Variants in STXBP5L observed in about 807,000 individuals in gnomAD.
STXBP5L encodes the protein syntaxin-binding protein 5-like.
Under a neutral mutation model 144.5 loss-of-function variants are expected in STXBP5L, and 65 were observed. The observed-to-expected ratio is 0.45, with a 90% CI of 0.37 to 0.55. The LOEUF (loss-of-function observed/expected upper bound fraction) is 0.55. Ranked by LOEUF, STXBP5L falls within the 20% of genes least tolerant of loss-of-function variation. The pLI is 0.00. For synonymous variants in STXBP5L, 505 were observed against 469.6 expected (o/e 1.08, Z -0.97); for missense variants, 1,298 against 1,405.5 (o/e 0.92, Z 1.22).
intron 18 of STXBP5L, among the ~76,000 whole-genome samples, chr3:121,269,469 T>C (rs2050673202): frequency 1.3e-5 from 2 of 151,940 alleles, no homozygotes; most frequent in African/African-American, 4.8e-5. Flanking sequence ...AAAATAGTCC[T>C]CTGGGTCAGA....
At chr3:121,016,881 C>T (rs1945184514) in intron 3 of STXBP5L, among the ~76,000 whole-genome samples, 1 of 152,186 alleles carries the variant, frequency 6.6e-6, no homozygotes, top group African/African-American at 2.4e-5. Context: ...TATATCAGTT[C>T]TCTGTAATCT....
chr3:120,980,314 G>T (rs936193314), intron 3 of STXBP5L, among the ~76,000 whole-genome samples: 2 of 151,972 alleles, frequency 1.3e-5, no homozygotes, highest in Non-Finnish European at 2.9e-5. Context: ...GCTGTCAGTG[G>T]GGTGTTGAAA....
intron 3 of STXBP5L, among the ~76,000 whole-genome samples, chr3:121,038,363 T>TATC (rs1369001307): frequency 6.6e-6 from 1 of 152,022 alleles, no homozygotes; most frequent in Non-Finnish European, 1.5e-5. Flanking sequence ...TACTGTTTTT[T>TATC]ATCAATGCTT....
intron 20 of STXBP5L, among the ~76,000 whole-genome samples, chr3:121,333,433 C>A (rs1466746918): frequency 6.6e-6 from 1 of 151,830 alleles, no homozygotes; most frequent in African/African-American, 2.4e-5. Flanking sequence ...GGAAAGATCT[C>A]TAATTAACAA....
intron 5 of STXBP5L, among the ~76,000 whole-genome samples, chr3:121,056,357 C>G (rs1017195669): frequency 1.3e-5 from 2 of 152,052 alleles, no homozygotes; most frequent in African/African-American, 4.8e-5. Context: ...CTACGATATA[C>G]AGACCCTTAA....
chr3:121,367,493 C>G (rs1258382615), intron 20 of STXBP5L, among the ~76,000 whole-genome samples: 2 of 151,174 alleles, frequency 1.3e-5, no homozygotes, highest in African/African-American at 4.9e-5. Flanking sequence ...TTTTCATAAT[C>G]AGCATCAAGG....
At chr3:121,027,292 T>G (rs1946018440) in intron 3 of STXBP5L, among the ~76,000 whole-genome samples, 1 of 152,066 alleles carries the variant, frequency 6.6e-6, no homozygotes, top group Admixed American at 6.6e-5. Flanking sequence ...TAATCATGAT[T>G]TAAGGAAATT....
In STXBP5L at chr3:121,422,477, G is replaced by A. The variant is rs548103119; in HGVS notation, c.*3380G>A. 1 of 152,226 alleles carries A rather than the reference G, an allele frequency of 6.6e-6. No homozygotes were observed. The highest frequency in any genetic ancestry group is 6.5e-5 in the Admixed American group (1 of 15,292). 9.4% of individuals were successfully genotyped at this position (152,226 alleles called of 1,614,324 possible). On this transcript the variant is annotated 3_prime_UTR_variant, in exon 27 of 27. Transcript: ENST00000471454. ...AGAAGCTAGAGGTATTTGTTTCCCT[G>A]ATAATAACGTGAGCAATAGTCCCTA...
At chr3:121,176,112 T>C (rs1231873602) in intron 9 of STXBP5L, among the ~76,000 whole-genome samples, 1 of 152,066 alleles carries the variant, frequency 6.6e-6, no homozygotes, top group African/African-American at 2.4e-5. Context: ...TCCACAGCTA[T>C]ATTTGGAAAC....
intron 3 of STXBP5L, among the ~76,000 whole-genome samples, chr3:121,035,132 T>A (rs1946665361): frequency 6.6e-6 from 1 of 152,040 alleles, no homozygotes; most frequent in South Asian, 2.1e-4. Flanking sequence ...CCCAGAATAG[T>A]TTGCACGTAT....
At chr3:121,189,446 C>G (rs978975008) in intron 9 of STXBP5L, among the ~76,000 whole-genome samples, 1 of 152,198 alleles carries the variant, frequency 6.6e-6, no homozygotes, top group Non-Finnish European at 1.5e-5. Context: ...AGATGGCTAG[C>G]CAGATTCCCC....
At chr3:120,949,736 C>A (rs184577821) in intron 2 of STXBP5L, among the ~76,000 whole-genome samples, 5 of 151,946 alleles carry the variant, frequency 3.3e-5, no homozygotes, top group Admixed American at 3.3e-4. Context: ...TCAAAATATT[C>A]AGCTGTATTT....
At position 121,393,343 on chromosome 3, in the gene STXBP5L, T is replaced by A. The variant is rs556470657; in HGVS notation, c.2587+11811T>A. Among the ~76,000 whole-genome samples, 97 of 152,320 alleles carry A rather than the reference T, an allele frequency of 6.4e-4. 1 individual carries two copies. In the South Asian group the frequency reaches 0.02, roughly 31 times the overall value. On this transcript the variant is annotated intron_variant, in intron 22 of 26. Coordinates refer to ENST00000471454, the MANE Select transcript of STXBP5L (RefSeq NM_001308330.2). Reference sequence around the variant, plus strand: ...TTCTGGGTATTAGCCCTTTGTCAGATGCATTGTTGGCAAATATTTTTCCCA... The same window carrying A: ...TTCTGGGTATTAGCCCTTTGTCAGAAGCATTGTTGGCAAATATTTTTCCCA...
chr3:121,067,212 G>A (rs78808712), intron 5 of STXBP5L, among the ~76,000 whole-genome samples: 2 of 151,586 alleles, frequency 1.3e-5, no homozygotes, highest in Non-Finnish European at 2.9e-5. Flanking sequence ...CTTTTAACTA[G>A]ATTAATGAGA....
chr3:121,397,197 G>T (rs942384009), intron 22 of STXBP5L, among the ~76,000 whole-genome samples: 1 of 152,214 alleles, frequency 6.6e-6, no homozygotes, highest in South Asian at 2.1e-4. Context: ...GCTCAGCTAA[G>T]GGGATAGTAA....
chr3:121,008,354 T>C (rs1410024062), intron 3 of STXBP5L, among the ~76,000 whole-genome samples: 1 of 152,000 alleles, frequency 6.6e-6, no homozygotes, highest in Non-Finnish European at 1.5e-5. Context: ...GTAATTCTTA[T>C]ATCCCCTTGT....
intron 20 of STXBP5L, among the ~76,000 whole-genome samples, chr3:121,371,312 C>G (rs375072143): frequency 6.6e-6 from 1 of 152,182 alleles, no homozygotes; most frequent in South Asian, 2.1e-4. Flanking sequence ...GGACTGCAAG[C>G]TTTAACTCTT....
chr3:121,307,216 T>C (rs754972047), intron 19 of STXBP5L, among the ~76,000 whole-genome samples: 2 of 152,238 alleles, frequency 1.3e-5, no homozygotes, highest in Non-Finnish European at 2.9e-5. Flanking sequence ...CCAGAAGTGA[T>C]ACAATATATT....
intron 5 of STXBP5L, among the ~76,000 whole-genome samples, chr3:121,082,090 T>G (rs1195201611): frequency 6.6e-6 from 1 of 152,212 alleles, no homozygotes; most frequent in East Asian, 1.9e-4. Flanking sequence ...TTGTCTTAGT[T>G]ACTCTAGTTC....
Sources: gnomAD v4.1 joint callset for allele counts (sites outside exome capture counted in the v4.1 genomes callset) on GRCh38, gnomAD v4.1.1 for gene constraint, MANE v1.5 for transcripts, NCBI Gene and HGNC (gene_info 2026-07-23, HGNC 2026-07-21) for gene names.